MREG: variants seen among roughly 807,000 people sequenced by gnomAD.
MREG encodes the protein dilute suppressor protein homolog.
Under a neutral mutation model 28.5 loss-of-function variants are expected in MREG, and 31 were observed. The observed-to-expected ratio is 1.09, with a 90% CI of 0.82 to 1.47. MREG has a LOEUF of 1.47. Among genes scored for constraint, MREG ranks in the 40% most tolerant of loss-of-function variants. The pLI, the probability that MREG is intolerant of heterozygous loss-of-function variation, is 0.00. For synonymous variants in MREG, 106 were observed against 95.2 expected (o/e 1.11, Z -0.66); for missense variants, 256 against 257.4 (o/e 0.99, Z 0.04).
chr2:215,998,320 AAATAATAAT>A (rs961263080), intron 1 of MREG, among the ~76,000 whole-genome samples: 9 of 138,902 alleles, frequency 6.5e-5, no homozygotes, highest in African/African-American at 2.2e-4. Flanking sequence ...AAAAAAAAAA[AAATAATAAT>A]AATAATAATA....
chr2:216,028,476 C>T (rs540315291), intron 1 of MREG, among the ~76,000 whole-genome samples: 1 of 143,490 alleles, frequency 7.0e-6, no homozygotes, highest in Non-Finnish European at 1.5e-5. Context: ...TGCAGTGAGC[C>T]GAGATCGCGC....
chr2:215,952,647 G>C (rs1422222506), intron 2 of MREG, among the ~76,000 whole-genome samples: 1 of 151,750 alleles, frequency 6.6e-6, no homozygotes, highest in African/African-American at 2.4e-5. Flanking sequence ...TAAACTCTTA[G>C]CAACAACTTC....
At chr2:216,022,429 A>G (rs988110955) in intron 1 of MREG, among the ~76,000 whole-genome samples, 1 of 152,118 alleles carries the variant, frequency 6.6e-6, no homozygotes, top group African/African-American at 2.4e-5. Context: ...CTATGCTGCA[A>G]TCTCTAAGTA....
chr2:215,963,174 TA>T (rs753396256), intron 2 of MREG, among the ~76,000 whole-genome samples: 6 of 152,092 alleles, frequency 3.9e-5, no homozygotes, highest in Non-Finnish European at 4.4e-5. Flanking sequence ...AGAGTTTTTA[TA>T]TTGGCCAGGT....
chr2:215,974,292 C>T (rs544109250), intron 2 of MREG, among the ~76,000 whole-genome samples: 4 of 152,300 alleles, frequency 2.6e-5, no homozygotes, highest in African/African-American at 4.8e-5. Context: ...AAGAAAAATA[C>T]GGTCTCTTTC....
At chr2:216,024,604 T>C (rs1694567543) in intron 1 of MREG, among the ~76,000 whole-genome samples, 1 of 152,132 alleles carries the variant, frequency 6.6e-6, no homozygotes, top group Non-Finnish European at 1.5e-5. Flanking sequence ...CTGGGTGTGG[T>C]GGCTCATGCC....
intron 2 of MREG, among the ~76,000 whole-genome samples, chr2:215,975,903 C>T (rs988225660): frequency 3.3e-5 from 5 of 151,978 alleles, no homozygotes; most frequent in African/African-American, 7.3e-5. Flanking sequence ...CTGGCCAACA[C>T]GGTGAAACAC....
chr2:215,972,797 A>G (rs561392908), intron 2 of MREG, among the ~76,000 whole-genome samples: 2 of 152,278 alleles, frequency 1.3e-5, no homozygotes, highest in African/African-American at 4.8e-5. Context: ...AACAACAACA[A>G]CAACAATTCC....
intron 2 of MREG, among the ~76,000 whole-genome samples, chr2:215,987,740 T>C (rs2106007388): frequency 6.6e-6 from 1 of 151,992 alleles, no homozygotes; most frequent in African/African-American, 2.4e-5. Flanking sequence ...ATTTACCAGG[T>C]AGTTAATTAA....
chr2:216,005,842 T>TA (rs35179294), intron 1 of MREG, among the ~76,000 whole-genome samples: 22,213 of 125,758 alleles, frequency 0.18, 2,122 homozygotes, highest in East Asian at 0.31. Context: ...AAGATTTTTG[T>TA]AAAAAAAAAA....
chr2:215,975,914 T>C (rs1693243754), intron 2 of MREG, among the ~76,000 whole-genome samples: 1 of 151,992 alleles, frequency 6.6e-6, no homozygotes, highest in East Asian at 1.9e-4. Context: ...GGTGAAACAC[T>C]GTCTCTACTA....
At chr2:215,952,813 G>A (rs915718021) in intron 2 of MREG, among the ~76,000 whole-genome samples, 2 of 151,940 alleles carry the variant, frequency 1.3e-5, no homozygotes, top group African/African-American at 4.8e-5. Flanking sequence ...AGCTATTGTT[G>A]AACATTTCCT....
intron 1 of MREG, among the ~76,000 whole-genome samples, chr2:216,000,348 T>A (rs1256473448): frequency 1.3e-5 from 2 of 152,060 alleles, no homozygotes; most frequent in East Asian, 3.8e-4. Flanking sequence ...GCACTCACAG[T>A]GAAGTAGCTC....
intron 2 of MREG, among the ~76,000 whole-genome samples, chr2:215,972,554 T>C (rs1024145716): frequency 6.8e-6 from 1 of 147,872 alleles, no homozygotes; most frequent in Admixed American, 6.9e-5. Flanking sequence ...GAGGCGAGGT[T>C]GCGGTGAGCC....
intron 2 of MREG, among the ~76,000 whole-genome samples, chr2:215,980,867 G>C (rs1052227605): frequency 6.7e-6 from 1 of 148,486 alleles, no homozygotes. Flanking sequence ...GGGGAGGGGA[G>C]GGCAGGGCAG....
At chr2:216,013,634 C>G (rs1232305267), upstream of MREG, 1 of 152,346 alleles carries the variant, frequency 6.6e-6, no homozygotes, top group Non-Finnish European at 1.5e-5. Flanking sequence ...CTACCGCCCT[C>G]TAAGGGTGAA....
At chr2:216,032,881 T>C (rs1481417075) in exon 1 of MREG, 1 of 146,106 alleles carries the variant, frequency 6.8e-6, no homozygotes, top group Admixed American at 7.2e-5. Context: ...AAACAAGGAG[T>C]GCAGAAGAAA....
intron 1 of MREG, among the ~76,000 whole-genome samples, chr2:216,000,933 A>G (rs922116084): frequency 2.0e-5 from 3 of 152,160 alleles, no homozygotes; most frequent in Non-Finnish European, 4.4e-5. Flanking sequence ...CTATTTTAAA[A>G]TGACGATCTC....
chr2:215,953,285 C>G (rs536260987), intron 2 of MREG, among the ~76,000 whole-genome samples: 2 of 152,372 alleles, frequency 1.3e-5, no homozygotes, highest in South Asian at 2.1e-4. Flanking sequence ...AGAGTGGACA[C>G]TGATTGGCTT....
Sources: gnomAD v4.1 joint callset for allele counts (sites outside exome capture counted in the v4.1 genomes callset) on GRCh38, gnomAD v4.1.1 for gene constraint, MANE v1.5 for transcripts, NCBI Gene and HGNC (gene_info 2026-07-23, HGNC 2026-07-21) for gene names.